The following SNX18 variants were observed in gnomAD, a reference collection of about 807,000 sequenced individuals.
SNX18 encodes sorting nexin-18.
A neutral mutation model predicts 48.7 loss-of-function variants in SNX18; 35 were observed. The ratio of observed to expected loss-of-function variants is 0.72; its 90% CI spans 0.55 to 0.95. The LOEUF is 0.95. SNX18 is among the 40% of genes least tolerant of loss of function. SNX18 has a pLI of 0.00. For missense variants in SNX18, 824 were observed against 871.0 expected, an observed-to-expected ratio of 0.95 and a Z score of 0.68; for synonymous variants, 492 against 384.7, an observed-to-expected ratio of 1.28 and a Z score of -3.26.
the SNX18 span, among the ~76,000 whole-genome samples, chr5:54,612,209 A>G: frequency 6.6e-6 from 1 of 152,124 alleles, no homozygotes; most frequent in Non-Finnish European, 1.5e-5. Flanking sequence ...GCAGAGGAGC[A>G]ATTAAAGAGT....
At chr5:54,532,636 A>G (rs2112849033) in intron 1 of SNX18, among the ~76,000 whole-genome samples, 1 of 152,256 alleles carries the variant, frequency 6.6e-6, no homozygotes, top group East Asian at 1.9e-4. Context: ...CAACATTGCC[A>G]CCATACCCAA....
At chr5:54,539,427 A>G (rs1762421918) in intron 1 of SNX18, among the ~76,000 whole-genome samples, 1 of 152,214 alleles carries the variant, frequency 6.6e-6, no homozygotes. Context: ...AGCAGCTACC[A>G]TTTACTGTTC....
chr5:54,549,440 G>C (rs1261358286), downstream of SNX18, among the ~76,000 whole-genome samples: 1 of 152,102 alleles, frequency 6.6e-6, no homozygotes, highest in Non-Finnish European at 1.5e-5. Context: ...GCAGAGCCCT[G>C]GCACAGCATC....
the SNX18 span, among the ~76,000 whole-genome samples, chr5:54,568,553 G>A: frequency 6.6e-6 from 1 of 152,154 alleles, no homozygotes; most frequent in African/African-American, 2.4e-5. Context: ...TCCAAAGGAA[G>A]GGGTGGTTGT....
At chr5:54,582,860 C>A in the SNX18 span, among the ~76,000 whole-genome samples, 1 of 151,984 alleles carries the variant, frequency 6.6e-6, no homozygotes, top group Middle Eastern at 3.2e-3. Flanking sequence ...AGAAGCAAAC[C>A]AACCATGATA....
the SNX18 span, among the ~76,000 whole-genome samples, chr5:54,623,132 G>T: frequency 6.6e-6 from 1 of 152,230 alleles, no homozygotes; most frequent in East Asian, 1.9e-4. Context: ...ATCTGCTTAC[G>T]TGAGAACTGG....
the SNX18 span, among the ~76,000 whole-genome samples, chr5:54,576,254 C>T: frequency 2.0e-5 from 3 of 152,242 alleles, no homozygotes; most frequent in Middle Eastern, 3.4e-3. Context: ...TCCTGACCCA[C>T]GGAATCCATG....
the SNX18 span, among the ~76,000 whole-genome samples, chr5:54,568,930 C>T: frequency 2.1e-4 from 32 of 151,006 alleles, no homozygotes; most frequent in African/African-American, 7.1e-4. Flanking sequence ...GCAAGGTCCA[C>T]CTCCTGGGTT....
the SNX18 span, among the ~76,000 whole-genome samples, chr5:54,612,520 C>G: frequency 1.2e-3 from 176 of 152,170 alleles, 1 homozygote; most frequent in Non-Finnish European, 1.7e-3. Flanking sequence ...GTCTCGGCCT[C>G]CCAAAGTGCT....
At chr5:54,560,840 A>G in the SNX18 span, among the ~76,000 whole-genome samples, 25,391 of 152,124 alleles carry the variant, frequency 0.17, 2,471 homozygotes, top group Middle Eastern at 0.28. Context: ...GCTTGGAACC[A>G]TCAAGCAGAT....
At chr5:54,622,468 C>G in the SNX18 span, among the ~76,000 whole-genome samples, 7 of 151,612 alleles carry the variant, frequency 4.6e-5, no homozygotes, top group African/African-American at 1.7e-4. Flanking sequence ...CTCCACTGCA[C>G]TCCAGCCTGG....
chr5:54,636,335 A>G, the SNX18 span, among the ~76,000 whole-genome samples: 1 of 151,870 alleles, frequency 6.6e-6, no homozygotes, highest in Non-Finnish European at 1.5e-5. Flanking sequence ...ACAATGAAGC[A>G]CATGACATTT....
chr5:54,577,888 G>A, the SNX18 span, among the ~76,000 whole-genome samples: 1 of 152,226 alleles, frequency 6.6e-6, no homozygotes, highest in African/African-American at 2.4e-5. Flanking sequence ...CAAGAATCGG[G>A]AGGGTCCACA....
chr5:54,561,840 T>C, the SNX18 span, among the ~76,000 whole-genome samples: 2 of 152,196 alleles, frequency 1.3e-5, no homozygotes, highest in Non-Finnish European at 2.9e-5. Context: ...AGCTTGTATG[T>C]CTTTATTATT....
intron 1 of SNX18, among the ~76,000 whole-genome samples, chr5:54,541,319 C>T (rs930828073): frequency 3.9e-5 from 6 of 152,192 alleles, no homozygotes; most frequent in East Asian, 1.9e-4. Context: ...TGAGCCACCG[C>T]GCCCGGCCCT....
chr5:54,568,622 T>G, the SNX18 span, among the ~76,000 whole-genome samples: 1 of 152,144 alleles, frequency 6.6e-6, no homozygotes, highest in Non-Finnish European at 1.5e-5. Context: ...AACCTCCTTT[T>G]CAGTCACGCT....
the SNX18 span, among the ~76,000 whole-genome samples, chr5:54,640,780 C>T: frequency 6.6e-6 from 1 of 152,046 alleles, no homozygotes; most frequent in Non-Finnish European, 1.5e-5. Context: ...AATCAGGAGG[C>T]TGGGTGTGGT....
At chr5:54,522,255 A>T (rs2112838010) in intron 1 of SNX18, among the ~76,000 whole-genome samples, 1 of 152,330 alleles carries the variant, frequency 6.6e-6, no homozygotes, top group East Asian at 1.9e-4. Context: ...TTCTGAGCGT[A>T]TTCAGGACTT....
At chr5:54,589,289 T>C in the SNX18 span, among the ~76,000 whole-genome samples, 6 of 152,094 alleles carry the variant, frequency 3.9e-5, no homozygotes, top group Admixed American at 3.9e-4. Context: ...CCCTCCATGA[T>C]CCCTGTGGCC....
Sources: allele counts gnomAD v4.1 joint callset (sites outside exome capture counted in the v4.1 genomes callset), GRCh38; gene constraint gnomAD v4.1.1; transcripts MANE v1.5; gene names NCBI Gene and HGNC (gene_info 2026-07-23, HGNC 2026-07-21).